Variants in ADGRL2 observed in about 807,000 individuals in gnomAD.
The protein encoded by ADGRL2 is adhesion G protein-coupled receptor L2.
A neutral mutation model predicts 157.4 loss-of-function variants in ADGRL2; 44 were observed. The ratio of observed to expected loss-of-function variants is 0.28; its 90% CI spans 0.22 to 0.36. The LOEUF is 0.36. Ranked by LOEUF, ADGRL2 falls within the 10% of genes least tolerant of loss-of-function variation. ADGRL2 has a pLI of 1.00. For synonymous variants in ADGRL2, 585 were observed against 624.7 expected (o/e 0.94, Z 0.95); for missense variants, 1,510 against 1,768.9 (o/e 0.85, Z 2.63).
At chr1:81,599,012 C>G (rs999615066) in intron 3 of ADGRL2, among the ~76,000 whole-genome samples, 1 of 152,118 alleles carries the variant, frequency 6.6e-6, no homozygotes, top group African/African-American at 2.4e-5. Context: ...TATAGGGTAG[C>G]ATAAGGTTCA....
intron 1 of ADGRL2, among the ~76,000 whole-genome samples, chr1:81,410,352 CT>C (rs1031997292): frequency 3.9e-5 from 6 of 152,184 alleles, no homozygotes; most frequent in African/African-American, 1.4e-4. Flanking sequence ...AAATGTCCTT[CT>C]TTCAAAATGC....
chr1:81,349,373 G>T lies in ADGRL2; in HGVS notation c.-302+42864G>T, dbSNP rs78625956. ...GATCCTTCTATTCATGTTGTCTTAG[G>T]ATGTAAACTTTCTTGTTTGTTTTCA... is the stretch of plus-strand genomic sequence containing the variant. On this transcript the variant is annotated intron_variant, in intron 1 of 24. Transcript: ENST00000370721. 8.6e-3 allele frequency among the ~76,000 whole-genome samples: 1,312 copies of T among 152,240 alleles called. 16 individuals carry two copies. The highest frequency in any genetic ancestry group is 0.03 in the African/African-American group (1,252 of 41,546).
intron 1 of ADGRL2, among the ~76,000 whole-genome samples, chr1:81,425,482 A>G (rs2077196273): frequency 6.6e-6 from 1 of 152,218 alleles, no homozygotes. Flanking sequence ...GGGAAAAAAT[A>G]TGTACCAAAA....
At chr1:81,899,048 G>A (rs1356733158) in intron 2 of ADGRL2, among the ~76,000 whole-genome samples, 1 of 152,122 alleles carries the variant, frequency 6.6e-6, no homozygotes, top group East Asian at 1.9e-4. Context: ...ATGAGCAGTA[G>A]CAAACATGAC....
intron 2 of ADGRL2, among the ~76,000 whole-genome samples, chr1:81,501,539 G>A (rs961709415): frequency 1.3e-5 from 2 of 152,244 alleles, no homozygotes; most frequent in Admixed American, 1.3e-4. Flanking sequence ...TCGAGGCACA[G>A]AGCATGTTTC....
chr1:81,620,874 C>T (rs556826104), intron 3 of ADGRL2, among the ~76,000 whole-genome samples: 4 of 152,268 alleles, frequency 2.6e-5, no homozygotes, highest in South Asian at 2.1e-4. Context: ...CCGATGAACA[C>T]GGAAGCAGAG....
chr1:81,949,573 G>A (rs985051993), intron 6 of ADGRL2, among the ~76,000 whole-genome samples: 1 of 152,146 alleles, frequency 6.6e-6, no homozygotes, highest in African/African-American at 2.4e-5. Context: ...TCAAGGTAAC[G>A]ATGCCGAAGC....
At chr1:81,433,272 A>T (rs937780680) in intron 1 of ADGRL2, among the ~76,000 whole-genome samples, 7 of 152,188 alleles carry the variant, frequency 4.6e-5, no homozygotes, top group Non-Finnish European at 7.3e-5. Flanking sequence ...TAATTTTACA[A>T]CACAATGAAA....
chr1:81,478,952 A>G (rs1323344596), intron 2 of ADGRL2, among the ~76,000 whole-genome samples: 2 of 152,022 alleles, frequency 1.3e-5, no homozygotes, highest in Non-Finnish European at 2.9e-5. Context: ...AAGACTGCAC[A>G]GTGAGCTACA....
chr1:81,321,641 C>T (rs914407257), intron 1 of ADGRL2, among the ~76,000 whole-genome samples: 1 of 152,058 alleles, frequency 6.6e-6, no homozygotes, highest in African/African-American at 2.4e-5. Context: ...CAGTCGGAAC[C>T]CACACATTTA....
At chr1:81,743,573 G>A (rs140157553) in intron 1 of ADGRL2, among the ~76,000 whole-genome samples, 76 of 152,004 alleles carry the variant, frequency 5.0e-4, no homozygotes, top group African/African-American at 1.7e-3. Context: ...ACTACTACTG[G>A]CAAACCTAAG....
At chr1:81,763,323 G>A (rs1043516616) in intron 2 of ADGRL2, among the ~76,000 whole-genome samples, 8 of 151,794 alleles carry the variant, frequency 5.3e-5, no homozygotes, top group Admixed American at 3.3e-4. Flanking sequence ...GGTAGCACAC[G>A]CCTGTAATCC....
At position 81,719,500 on chromosome 1, in the gene ADGRL2, G is replaced by T. The variant is rs2084225813; in HGVS notation, c.-143+19692G>T. 3.3e-5 allele frequency among the ~76,000 whole-genome samples: 5 copies of T among 152,054 alleles called. 1 individual carries two copies. The South Asian group carries it at 1.0e-3, about 32-fold the overall frequency. Reference sequence around the variant, plus strand: ...CCCAAGTAATTTCTCTGTCATCATAGTATTTGCTATTTTTAAATATTTGTT... The same window carrying T: ...CCCAAGTAATTTCTCTGTCATCATATTATTTGCTATTTTTAAATATTTGTT... On this transcript the variant is annotated intron_variant, in intron 1 of 20. Transcript: ENST00000359929.
chr1:81,704,812 A>G (rs562434744), intron 1 of ADGRL2, among the ~76,000 whole-genome samples: 2 of 152,348 alleles, frequency 1.3e-5, no homozygotes, highest in African/African-American at 4.8e-5. Context: ...GGATTTGAAG[A>G]TAAACATATC....
chr1:81,897,721 C>A (rs1034294321), intron 2 of ADGRL2, among the ~76,000 whole-genome samples: 15 of 152,020 alleles, frequency 9.9e-5, no homozygotes, highest in African/African-American at 3.4e-4. Flanking sequence ...TAGCAAGTCC[C>A]CAAGTTGAAA....
At chr1:81,779,741 T>C (rs2086739025) in intron 2 of ADGRL2, among the ~76,000 whole-genome samples, 1 of 152,248 alleles carries the variant, frequency 6.6e-6, no homozygotes, top group African/African-American at 2.4e-5. Context: ...AGAACACAGC[T>C]TAAATCAAAC....
At chr1:81,518,028 T>C (rs945793388) in intron 2 of ADGRL2, among the ~76,000 whole-genome samples, 3 of 152,226 alleles carry the variant, frequency 2.0e-5, no homozygotes, top group Non-Finnish European at 4.4e-5. Flanking sequence ...AGATAACCAA[T>C]AAATGCATTG....
At chr1:81,700,662 G>C (rs558732857) in intron 1 of ADGRL2, among the ~76,000 whole-genome samples, 2 of 152,274 alleles carry the variant, frequency 1.3e-5, no homozygotes, top group African/African-American at 4.8e-5. Flanking sequence ...ATTAGTATTT[G>C]AGATAATTAC....
chr1:81,341,197 A>G (rs1417033616), intron 1 of ADGRL2, among the ~76,000 whole-genome samples: 3 of 152,176 alleles, frequency 2.0e-5, no homozygotes, highest in African/African-American at 7.2e-5. Flanking sequence ...CTTTGCCTAT[A>G]GAGGAAATAA....
Sources: allele counts gnomAD v4.1 joint callset (sites outside exome capture counted in the v4.1 genomes callset), GRCh38; gene constraint gnomAD v4.1.1; transcripts MANE v1.5; gene names NCBI Gene and HGNC (gene_info 2026-07-23, HGNC 2026-07-21).